The following TMEM237 variants were observed in gnomAD, a reference collection of about 807,000 sequenced individuals.
TMEM237 encodes the protein amyotrophic lateral sclerosis 2 (juvenile) chromosome region, candidate 4.
Under a neutral mutation model 59.1 loss-of-function variants are expected in TMEM237, and 51 were observed. The ratio of observed to expected loss-of-function variants is 0.86; its 90% CI spans 0.69 to 1.09. The LOEUF (loss-of-function observed/expected upper bound fraction) is 1.09, where lower values mean the gene tolerates loss of function less well. Among genes scored for constraint, TMEM237 ranks in the 50% least tolerant of loss-of-function variants. The pLI is 0.00. For synonymous variants in TMEM237, 140 were observed against 166.1 expected (o/e 0.84, Z 1.21); for missense variants, 475 against 478.3 (o/e 0.99, Z 0.06).
rs920020528 is a variant in TMEM237 at position 201,636,799 on chromosome 2, G to A, written c.223C>T (p.His75Tyr). The A allele has an allele frequency of 1.9e-6, 3 of 1,594,572 alleles. No individual in the cohort carries two copies. Residue 75 changes from histidine to tyrosine, a missense_variant, in exon 5 of 13, where the codon CAC becomes TAC. By Grantham distance (83) the His-to-Tyr change is moderately conservative (BLOSUM62 2). Transcript: ENST00000409883. ...CTTCTTTGAACAGGAGCCTCTGGGT[G>A]CTCTTTGAGTTCTTTAGTTGATGGC... The part of the protein sequence containing the change: ...NEPSTKELKE[H>Y]PEAPVQRRQK...
In TMEM237 at chr2:201,629,701, T is replaced by C. The variant is rs746984956; in HGVS notation, c.677+28A>G. The C allele has an allele frequency of 1.2e-5, 19 of 1,583,660 alleles. No individual in the cohort carries two copies. In the East Asian group the frequency reaches 4.0e-4, roughly 34 times the overall value. ...TTACAGAACTCAGTTAACATTTATT[T>C]TAAGAAAAGTCCAACAAAAGCAGCC... On this transcript the variant is annotated intron_variant, in intron 8 of 12. Transcript: ENST00000409883.
In TMEM237 at chr2:201,620,667, T is replaced by A. The variant is rs892906964; in HGVS notation, c.*3588A>T. ...TGGACAGGGAGTTGCTGGGCAAATG[T>A]CCTCATAGAAGTATTTTTTGTGTGT... On this transcript the variant is annotated 3_prime_UTR_variant, in exon 13 of 13. Transcript: ENST00000409883. 2.0e-5 allele frequency: 3 copies of A among 152,228 alleles called. No individual in the cohort carries two copies. Among genetic ancestry groups the A allele is most frequent in the African/African-American group, 7.2e-5 (3 of 41,452 alleles). The allele number at this position is 152,228 out of a possible 1,614,324, so 9.4% of individuals were successfully genotyped here. A position where few individuals can be genotyped will look rare whatever the true frequency, so the allele number is the denominator to read the frequency against.
At chr2:201,634,030 C>T (rs530177623) in intron 5 of TMEM237, among the ~76,000 whole-genome samples, 40 of 152,290 alleles carry the variant, frequency 2.6e-4, no homozygotes, top group African/African-American at 8.7e-4. Context: ...AACAGATGTT[C>T]AGCAAAAATC....
Position 201,643,257 on chromosome 2 carries a change from A to T in TMEM237, c.42+102T>A. 2 of 1,304,242 alleles carry T rather than the reference A, an allele frequency of 1.5e-6. No individual in the cohort carries two copies. The highest frequency in any genetic ancestry group is 2.1e-6 in the Non-Finnish European group (2 of 935,760). The allele number at this position is 1,304,242 out of a possible 1,614,324, so 80.8% of individuals were successfully genotyped here. ...CCACGAGCAAGGCCCTCCCTTAGTG[A>T]TTCCCAGCTCGTTGGCGCCCCCCCA... On this transcript the variant is annotated intron_variant, in intron 1 of 12. Transcript: ENST00000409883. The surrounding 1 kb of genome is among the most constrained non-coding windows in gnomAD (Gnocchi z 4.3).
At chr2:201,627,266 A>T in intron 11 of TMEM237, 55 bp downstream of exon 11, 2 of 1,283,638 alleles carry the variant, frequency 1.6e-6, no homozygotes, top group Admixed American at 2.1e-5. Context: ...TGGAAGGATA[A>T]GAAAAGTTGC....
intron 4 of TMEM237, among the ~76,000 whole-genome samples, 154 bp from the exon 5 acceptor site, chr2:201,637,039 C>A (rs1687308959): frequency 6.6e-6 from 1 of 152,132 alleles, no homozygotes; most frequent in Non-Finnish European, 1.5e-5. Context: ...TTCCTCCTCA[C>A]CTGTAACTTT....
chr2:201,628,010 A>G, intron 10 of TMEM237, 66 bp downstream of exon 10: 1 of 1,186,986 alleles, frequency 8.4e-7, no homozygotes. Flanking sequence ...AATTATATTT[A>G]TCCTGGTTCA....
rs558725999 is a variant in TMEM237, at chr2:201,624,160, A to G, written c.*95T>C. On this transcript the variant is annotated 3_prime_UTR_variant, in exon 13 of 13. Coordinates refer to ENST00000409883, the MANE Select transcript of TMEM237 (RefSeq NM_001044385.3). Reference sequence around the variant, plus strand: ...TCAGTATTATATAATCAAAAAATCTATTACAAATACACATGTATACATCTT... The same window carrying G: ...TCAGTATTATATAATCAAAAAATCTGTTACAAATACACATGTATACATCTT... 2.5e-6 allele frequency: 2 copies of G among 813,762 alleles called. No individual in the cohort carries two copies. The highest frequency in any genetic ancestry group is 2.1e-5 in the South Asian group (1 of 47,852). 50.4% of individuals were successfully genotyped at this position (813,762 alleles called of 1,614,324 possible). A position where few individuals can be genotyped will look rare whatever the true frequency, so the allele number is the denominator to read the frequency against.
intron 12 of TMEM237, among the ~76,000 whole-genome samples, 168 bp downstream of exon 12, chr2:201,625,858 T>C (rs1332563136): frequency 6.6e-6 from 1 of 152,166 alleles, no homozygotes; most frequent in African/African-American, 2.4e-5. Context: ...CCTCCCTGCT[T>C]CTCTTGGCAT....
intron 9 of TMEM237, 57 bp from the exon 10 acceptor site, chr2:201,628,206 C>T (rs1009413012): frequency 3.2e-6 from 4 of 1,232,188 alleles, no homozygotes; most frequent in Admixed American, 2.1e-5. Context: ...CAAAACTTTA[C>T]TTTCTTGACT....
At chr2:201,637,646 G>A (rs1319263035) in intron 4 of TMEM237, among the ~76,000 whole-genome samples, 2 of 151,402 alleles carry the variant, frequency 1.3e-5, no homozygotes, top group African/African-American at 4.9e-5. Flanking sequence ...CAAGGAGGCC[G>A]AGGCAGGAGA....
intron 5 of TMEM237, 132 bp from the exon 6 acceptor site, chr2:201,633,563 T>C: frequency 1.6e-6 from 1 of 627,162 alleles, no homozygotes; most frequent in African/African-American, 1.9e-5. Flanking sequence ...TCTTACAAAT[T>C]TTTAATTTTT....
intron 7 of TMEM237, among the ~76,000 whole-genome samples, chr2:201,630,062 G>A (rs1228085990): frequency 1.3e-5 from 2 of 152,062 alleles, no homozygotes; most frequent in Admixed American, 6.5e-5. Flanking sequence ...AAAAATAAGC[G>A]ATGTCAGTGT....
At chr2:201,642,490 A>G in intron 1 of TMEM237, 1 of 1,204,926 alleles carries the variant, frequency 8.3e-7, no homozygotes. Context: ...ACTGATTTCA[A>G]AAGTCCCGCA....
intron 6 of TMEM237, among the ~76,000 whole-genome samples, chr2:201,633,056 GTTC>G (rs752363064): frequency 6.6e-6 from 1 of 150,690 alleles, no homozygotes; most frequent in Non-Finnish European, 1.5e-5. Context: ...TTCTATTTGT[GTTC>G]TTCTTTTTTA....
chr2:201,640,049 C>T (rs1687383916), intron 3 of TMEM237, among the ~76,000 whole-genome samples: 2 of 152,202 alleles, frequency 1.3e-5, no homozygotes, highest in South Asian at 2.1e-4. Flanking sequence ...TGGGTGACCC[C>T]ATTCAGGGAT....
intron 4 of TMEM237, among the ~76,000 whole-genome samples, chr2:201,637,492 C>G (rs765858826): frequency 2.8e-4 from 43 of 152,122 alleles, no homozygotes; most frequent in Non-Finnish European, 5.6e-4. Context: ...GCCTGGAATC[C>G]CAGCACTTTG....
At chr2:201,639,574 T>A (rs1231488085) in intron 3 of TMEM237, among the ~76,000 whole-genome samples, 1 of 152,152 alleles carries the variant, frequency 6.6e-6, no homozygotes, top group Non-Finnish European at 1.5e-5. Context: ...GACAGGCAGA[T>A]CACTTGAGCT....
rs150758907 is a variant in TMEM237, at chr2:201,635,619, G to A, written c.274+1129C>T. 2.1e-3 allele frequency among the ~76,000 whole-genome samples: 320 copies of A among 152,234 alleles called. 2 individuals are homozygous for A. The highest frequency in any genetic ancestry group is 6.6e-3 in the African/African-American group (275 of 41,546). On this transcript the variant is annotated intron_variant, in intron 5 of 12. Transcript: ENST00000409883. The surrounding 1 kb of genome is among the most constrained non-coding windows in gnomAD (Gnocchi z 4.5). ...TCTACTAAAAAATACAAAATTAGCC[G>A]AGCATCATGGCAAATGCCTGTAATC...
Sources: allele counts gnomAD v4.1 joint callset (sites outside exome capture counted in the v4.1 genomes callset), GRCh38; gene constraint gnomAD v4.1.1; non-coding constraint Gnocchi (gnomAD v3.1); transcripts MANE v1.5; gene names NCBI Gene and HGNC (gene_info 2026-07-23, HGNC 2026-07-21).